Variants in NRP1 observed in about 807,000 individuals in gnomAD.
The protein encoded by NRP1 is neuropilin-1.
A neutral mutation model predicts 106.7 loss-of-function variants in NRP1; 35 were observed. The ratio of observed to expected loss-of-function variants is 0.33; its 90% CI spans 0.25 to 0.43. The LOEUF is 0.43. Among genes scored for constraint, NRP1 ranks in the 20% least tolerant of loss-of-function variants. The probability of loss-of-function intolerance (pLI) is 1.00; values close to 1 mark genes in which losing one functional copy is unlikely to be tolerated. For synonymous variants in NRP1, 437 were observed against 417.9 expected (o/e 1.05, Z -0.56); for missense variants, 1,024 against 1,170.4 (o/e 0.87, Z 1.83).
At chr10:33,216,328 G>A (rs1490954869) in intron 8 of NRP1, among the ~76,000 whole-genome samples, 1 of 151,644 alleles carries the variant, frequency 6.6e-6, no homozygotes, top group Non-Finnish European at 1.5e-5. Flanking sequence ...TAGTAGAGAG[G>A]GGTTTCACAG....
chr10:33,184,489 C>T (rs970957644), intron 15 of NRP1, among the ~76,000 whole-genome samples: 8 of 152,226 alleles, frequency 5.3e-5, no homozygotes, highest in Non-Finnish European at 7.3e-5. Context: ...TCACCATCAT[C>T]ACTCTCACTT....
At chr10:33,251,408 TG>T (rs1210966396) in intron 6 of NRP1, among the ~76,000 whole-genome samples, 2 of 149,406 alleles carry the variant, frequency 1.3e-5, no homozygotes, top group African/African-American at 5.2e-5. Context: ...TAATACACTC[TG>T]CCTTGGGGCA....
Position 33,334,546 on chromosome 10 carries a change from T to A in NRP1, c.-164A>T. The A allele has an allele frequency of 3.4e-6, 2 of 580,546 alleles. No individual in the cohort carries two copies. The highest frequency in any genetic ancestry group is 5.3e-4 in the Middle Eastern group (2 of 3,806). The allele number at this position is 580,546 out of a possible 1,614,324, so 36.0% of individuals were successfully genotyped here. ...AGAAAGCAGCGAGGCAATGCCTGGA[T>A]CCGAGAGGAACGCTTCTCTTTTTGT... On this transcript the variant is annotated 5_prime_UTR_variant, in exon 1 of 17. Transcript: ENST00000374867.
Position 33,186,461 on chromosome 10 carries a change from G to C in NRP1, c.2090C>G (p.Ala697Gly). Residue 697 changes from alanine (A) to glycine (G), a missense_variant, in exon 14 of 17, where the codon GCT (alanine) becomes GGT (glycine). Coordinates refer to ENST00000374867, the MANE Select transcript of NRP1 (RefSeq NM_003873.7). ...TGDGNFIYSQ[A>G]DENQKGKVAR... ...CACTTTGCCCTTCTGATTTTCGTCA[G>C]CTTGGGAATAGATGAAGTTGCCATC... The C allele has an allele frequency of 6.2e-7, 1 of 1,613,300 alleles. No homozygotes were observed. Among genetic ancestry groups the C allele is most frequent in the Non-Finnish European group, 8.5e-7 (1 of 1,179,480 alleles).
chr10:33,332,492 T>A (rs1848353793), intron 1 of NRP1, among the ~76,000 whole-genome samples: 2 of 152,206 alleles, frequency 1.3e-5, no homozygotes, highest in Admixed American at 1.3e-4. Flanking sequence ...TTCTAGTCAC[T>A]CGACAGAGTC....
At chr10:33,185,860 A>C in intron 14 of NRP1, 136 bp from the exon 15 acceptor site, 1 of 755,806 alleles carries the variant, frequency 1.3e-6, no homozygotes, top group South Asian at 1.7e-5. Flanking sequence ...TTCACTCATC[A>C]ATCCACATTA....
chr10:33,225,123 C>T (rs1839557380), intron 7 of NRP1, among the ~76,000 whole-genome samples: 1 of 152,158 alleles, frequency 6.6e-6, no homozygotes, highest in South Asian at 2.1e-4. Flanking sequence ...TTGAACTTGC[C>T]TGCCCATAGC....
rs1840170923 is a variant in NRP1, at chr10:33,231,949, C to T, written c.982-5660G>A. Among the ~76,000 whole-genome samples the T allele has an allele frequency of 2.0e-5, 3 of 152,246 alleles. 1 individual carries two copies. In the South Asian group the frequency reaches 6.2e-4, roughly 32 times the overall value. ...ACAACCTATTATGTTTCCCTCACCA[C>T]TATTGACATTACTTGTCAAAAAAAA... On this transcript the variant is annotated intron_variant, in intron 6 of 16. Coordinates refer to ENST00000374867, the MANE Select transcript of NRP1 (RefSeq NM_003873.7).
rs949072961 is a variant in NRP1, at chr10:33,249,711, T to G, written c.981+4317A>C. Among the ~76,000 whole-genome samples the G allele has an allele frequency of 4.6e-5, 7 of 152,220 alleles. 1 individual carries two copies. The South Asian group carries it at 1.2e-3, about 27-fold the overall frequency. ...TCTGCCACTGACAATGAGGAAATTT[T>G]AGTAGCTCAGGATATGAAGTGGCTT... On this transcript the variant is annotated intron_variant, in intron 6 of 16. Coordinates refer to ENST00000374867, the MANE Select transcript of NRP1 (RefSeq NM_003873.7).
intron 6 of NRP1, among the ~76,000 whole-genome samples, chr10:33,241,799 A>G (rs943018921): frequency 5.3e-5 from 8 of 152,174 alleles, no homozygotes; most frequent in African/African-American, 2.4e-5. Context: ...TTGCCATTAT[A>G]GTTTTAGATG....
At chr10:33,242,238 A>G (rs950590404) in intron 6 of NRP1, among the ~76,000 whole-genome samples, 1 of 152,222 alleles carries the variant, frequency 6.6e-6, no homozygotes, top group Non-Finnish European at 1.5e-5. Context: ...TTTAGAGGAA[A>G]TATCATGTTA....
chr10:33,180,329 T>A lies in NRP1; in HGVS notation c.2519A>T (p.Asp840Val), dbSNP rs1252527101. Reference protein sequence around the residue: ...TPGYEGEGEGDKNISRKPGNV... With the variant: ...TPGYEGEGEGVKNISRKPGNV... ...GCCTGGCTTCCTGGAGATGTTCTTG[T>A]CACCTTCTCCTTCACCTTCGTATCC... Residue 840 changes from aspartate (D) to valine (V), a missense_variant, in exon 17 of 17, where the codon GAC becomes GTC. Around this residue, in one of 5 missense-constraint regions of NRP1, gnomAD observed 164 missense variants for 161.4 expected, o/e 1.02. Coordinates refer to ENST00000374867, the MANE Select transcript of NRP1 (RefSeq NM_003873.7). 1 of 1,605,650 alleles carries A rather than the reference T, an allele frequency of 6.2e-7. No individual in the cohort carries two copies. Among genetic ancestry groups the A allele is most frequent in the Non-Finnish European group, 8.5e-7 (1 of 1,173,320 alleles).
rs779560935 is a variant in NRP1, at chr10:33,213,640, C to A, written c.1360G>T (p.Asp454Tyr). The change falls in exon 9 of 17, where the codon GAC becomes TAC. Residue 454 changes from aspartate to tyrosine, a missense_variant. Physicochemically the swap from Asp to Tyr is radical, Grantham distance 160. Around this residue, in one of 5 missense-constraint regions of NRP1, gnomAD observed 562 missense variants for 620.3 expected, o/e 0.91. Transcript: ENST00000374867. ...DSQITSSNQG[D>Y]RNWMPENIRL... The stretch of plus-strand genomic sequence containing the variant: ...ATGTTTTCAGGCATCCAGTTTCTGT[C>A]CCCTTGGTTGGATGATGTGATCTGG... 9 of 1,613,906 alleles carry A rather than the reference C, an allele frequency of 5.6e-6. No homozygotes were observed. The highest frequency in any genetic ancestry group is 7.6e-6 in the Non-Finnish European group (9 of 1,179,984).
intron 7 of NRP1, 22 bp from the exon 8 acceptor site, chr10:33,221,885 C>T: frequency 6.3e-7 from 1 of 1,587,002 alleles, no homozygotes; most frequent in South Asian, 1.1e-5. Context: ...AAAAAAGTGC[C>T]TTTCTTTAGC....
chr10:33,221,637 C>T lies in NRP1; in HGVS notation c.1282+82G>A, dbSNP rs556885161. On this transcript the variant is annotated intron_variant, in intron 8 of 16. Coordinates refer to ENST00000374867, the MANE Select transcript of NRP1 (RefSeq NM_003873.7). ...ATGATTGCATTTACAAACTTATTTA[C>T]CCTGTATTTAAAGGTTTGCATAAAT... The T allele has an allele frequency of 2.4e-5, 34 of 1,388,206 alleles. 1 individual carries two copies. In the South Asian group the frequency reaches 2.9e-4, roughly 12 times the overall value. 86.0% of individuals were successfully genotyped at this position (1,388,206 alleles called of 1,614,324 possible). A position where few individuals can be genotyped will look rare whatever the true frequency, so the allele number is the denominator to read the frequency against.
intron 9 of NRP1, among the ~76,000 whole-genome samples, 194 bp from the exon 10 acceptor site, chr10:33,207,910 G>A (rs1463010765): frequency 1.3e-5 from 2 of 152,106 alleles, no homozygotes; most frequent in Non-Finnish European, 2.9e-5. Flanking sequence ...GTGACAGATG[G>A]CATTTATTTA....
intron 15 of NRP1, among the ~76,000 whole-genome samples, chr10:33,183,335 T>TA (rs1292348818): frequency 0.02 from 2,580 of 131,508 alleles, 64 homozygotes; most frequent in African/African-American, 0.064. Flanking sequence ...ACAACAAATT[T>TA]AAAAAAAAAA....
In NRP1 at chr10:33,180,353, C is replaced by T. The variant is rs1257885477; in HGVS notation, c.2495G>A (p.Gly832Glu). ...IKIDETGSTP[G>E]YEGEGEGDKN... ...GTCACCTTCTCCTTCACCTTCGTAT[C>T]CTGGCGTGCTCCCTATGGAAAAAAA... The change falls in exon 17 of 17, where the codon GGA (glycine) becomes GAA (glutamate). Residue 832 changes from glycine to glutamate, a missense_variant. Around this residue, in one of 5 missense-constraint regions of NRP1, gnomAD observed 164 missense variants for 161.4 expected, o/e 1.02. Coordinates refer to ENST00000374867, the MANE Select transcript of NRP1 (RefSeq NM_003873.7). The T allele has an allele frequency of 5.0e-6, 8 of 1,598,838 alleles. No individual in the cohort carries two copies. Among genetic ancestry groups the T allele is most frequent in the Non-Finnish European group, 6.8e-6 (8 of 1,168,912 alleles).
intron 9 of NRP1, among the ~76,000 whole-genome samples, chr10:33,208,680 T>C (rs992903475): frequency 2.6e-5 from 4 of 152,134 alleles, no homozygotes; most frequent in African/African-American, 9.7e-5. Flanking sequence ...TTGCATGATG[T>C]TTGATAGAGT....
Sources: gnomAD v4.1 joint callset for allele counts (sites outside exome capture counted in the v4.1 genomes callset) on GRCh38, gnomAD v4.1.1 for gene constraint, gnomAD v4.1.1 regional missense constraint, MANE v1.5 for transcripts, NCBI Gene and HGNC (gene_info 2026-07-23, HGNC 2026-07-21) for gene names.